APP: variants seen among roughly 807,000 people sequenced by gnomAD.
The protein encoded by APP is amyloid beta precursor protein, also known as amyloid-beta precursor protein.
In APP, 31 loss-of-function variants were observed where a neutral mutation model predicts 101.4. The observed-to-expected ratio is 0.31, with a 90% CI of 0.23 to 0.41. APP has a LOEUF of 0.41. APP is among the 10% of genes least tolerant of loss of function. APP has a pLI of 1.00. For synonymous variants in APP, 366 were observed against 364.4 expected (o/e 1.00, Z -0.05); for missense variants, 839 against 1,003.7 (o/e 0.84, Z 2.22).
chr21:25,962,616 T>G (rs1417749980), intron 11 of APP, among the ~76,000 whole-genome samples: 2 of 152,238 alleles, frequency 1.3e-5, no homozygotes, highest in Non-Finnish European at 2.9e-5. Flanking sequence ...TGTGCTTGGG[T>G]ACTTTAGAAA....
At chr21:26,124,917 C>G (rs1346364433) in intron 1 of APP, among the ~76,000 whole-genome samples, 1 of 152,196 alleles carries the variant, frequency 6.6e-6, no homozygotes, top group Admixed American at 6.5e-5. Flanking sequence ...CATTCCTGAC[C>G]TTGATGGACA....
At chr21:25,891,970 C>A in intron 16 of APP, 102 bp from the exon 17 acceptor site, 8 of 1,181,446 alleles carry the variant, frequency 6.8e-6, no homozygotes, top group Non-Finnish European at 8.3e-6. Flanking sequence ...ATGCAGGGGA[C>A]ATTTGGATGA....
intron 5 of APP, among the ~76,000 whole-genome samples, chr21:26,046,176 C>T (rs2045600540): frequency 6.6e-6 from 1 of 151,504 alleles, no homozygotes; most frequent in Admixed American, 6.6e-5. Context: ...AAAGCCAAAA[C>T]ATATCACTGC....
intron 3 of APP, among the ~76,000 whole-genome samples, chr21:26,084,069 T>C (rs1024411348): frequency 3.9e-5 from 6 of 151,952 alleles, no homozygotes; most frequent in East Asian, 1.9e-4. Context: ...CAAAATGCGA[T>C]TGTTAAAAAA....
intron 13 of APP, among the ~76,000 whole-genome samples, chr21:25,946,963 A>C (rs2146456317): frequency 1.3e-5 from 2 of 152,340 alleles, no homozygotes; most frequent in South Asian, 4.1e-4. Flanking sequence ...TATTTTTTTA[A>C]AAAAGGAAAC....
chr21:25,888,332 C>T (rs1165278024), intron 17 of APP, among the ~76,000 whole-genome samples: 2 of 152,174 alleles, frequency 1.3e-5, no homozygotes, highest in Non-Finnish European at 2.9e-5. Context: ...GAAAGCCCAC[C>T]GTGCTCTCTC....
intron 13 of APP, among the ~76,000 whole-genome samples, chr21:25,948,004 CAAAAAAAA>C (rs34371241): frequency 1.4e-5 from 1 of 71,094 alleles, no homozygotes; most frequent in Admixed American, 1.7e-4. Flanking sequence ...GACTCCATCT[CAAAAAAAA>C]AAAAAAAAAA....
At chr21:26,114,215 T>A (rs1468773436) in intron 1 of APP, among the ~76,000 whole-genome samples, 1 of 152,236 alleles carries the variant, frequency 6.6e-6, no homozygotes, top group Non-Finnish European at 1.5e-5. Flanking sequence ...GAAAGCGTTC[T>A]ACCTTCTTGT....
intron 11 of APP, among the ~76,000 whole-genome samples, chr21:25,958,099 A>C (rs2041404283): frequency 1.3e-5 from 2 of 152,256 alleles, no homozygotes; most frequent in East Asian, 3.9e-4. Flanking sequence ...TTTGTCCTAA[A>C]AGGACTGTCA....
At chr21:25,901,784 A>G (rs1234968051) in intron 15 of APP, among the ~76,000 whole-genome samples, 1 of 151,810 alleles carries the variant, frequency 6.6e-6, no homozygotes, top group Non-Finnish European at 1.5e-5. Flanking sequence ...CCTTTTGTTC[A>G]TGTGGGGGCT....
chr21:25,997,161 T>A (rs2043087448), intron 8 of APP, 199 bp downstream of exon 8: 7 of 608,406 alleles, frequency 1.2e-5, no homozygotes, highest in Non-Finnish European at 1.5e-5. Context: ...ACTTAGTCAA[T>A]GATGTTCTTA....
chr21:25,915,796 G>A (rs1022982272), intron 13 of APP, among the ~76,000 whole-genome samples: 2 of 152,210 alleles, frequency 1.3e-5, no homozygotes, highest in African/African-American at 2.4e-5. Flanking sequence ...GAGGTACGCT[G>A]TAGTACCCTT....
intron 3 of APP, among the ~76,000 whole-genome samples, chr21:26,060,196 G>A (rs377491693): frequency 3.2e-4 from 48 of 152,246 alleles, no homozygotes; most frequent in African/African-American, 1.1e-3. Flanking sequence ...TGAAGACACT[G>A]GGGTTTTATA....
intron 1 of APP, among the ~76,000 whole-genome samples, chr21:26,151,669 C>T (rs545262855): frequency 2.0e-5 from 3 of 152,134 alleles, no homozygotes; most frequent in South Asian, 2.1e-4. Flanking sequence ...GAGTGTGCAA[C>T]GCAGCTCTCA....
intron 5 of APP, among the ~76,000 whole-genome samples, chr21:26,047,388 T>C (rs1003161158): frequency 6.6e-6 from 1 of 152,210 alleles, no homozygotes; most frequent in African/African-American, 2.4e-5. Context: ...TAAACTTCTA[T>C]TCTGATTTTA....
chr21:25,971,419 ACTT>A (rs2042028860), intron 11 of APP, among the ~76,000 whole-genome samples: 1 of 152,234 alleles, frequency 6.6e-6, no homozygotes, highest in Non-Finnish European at 1.5e-5. Flanking sequence ...ACAAATGAGG[ACTT>A]ACAGCTGCCA....
intron 17 of APP, among the ~76,000 whole-genome samples, chr21:25,890,758 G>A (rs923353576): frequency 6.7e-6 from 1 of 149,774 alleles, no homozygotes; most frequent in Non-Finnish European, 1.5e-5. Context: ...GAATATGAGG[G>A]GAAATCTGGA....
At chr21:26,000,504 C>T (rs563047155) in intron 6 of APP, among the ~76,000 whole-genome samples, 2 of 152,298 alleles carry the variant, frequency 1.3e-5, no homozygotes, top group East Asian at 3.9e-4. Flanking sequence ...CACAACAATT[C>T]TCCATTATAA....
At chr21:26,057,753 G>A (rs920316152) in intron 3 of APP, among the ~76,000 whole-genome samples, 1 of 152,102 alleles carries the variant, frequency 6.6e-6, no homozygotes, top group Non-Finnish European at 1.5e-5. Context: ...TGAAAATCCA[G>A]GTCTCCAGTT....
Sources: gnomAD v4.1 joint callset for allele counts (sites outside exome capture counted in the v4.1 genomes callset) on GRCh38, gnomAD v4.1.1 for gene constraint, MANE v1.5 for transcripts, NCBI Gene and HGNC (gene_info 2026-07-23, HGNC 2026-07-21) for gene names.